The following NOM1 variants were observed in gnomAD, a reference collection of about 807,000 sequenced individuals.
The protein encoded by NOM1 is nucleolar protein with MIF4G domain 1, also known as nucleolar MIF4G domain-containing protein 1.
Under a neutral mutation model 73.3 loss-of-function variants are expected in NOM1, and 58 were observed. That is an observed-to-expected ratio of 0.79 (90% CI 0.64 to 0.99). The LOEUF (loss-of-function observed/expected upper bound fraction) is 0.99. Among genes scored for constraint, NOM1 ranks in the 50% least tolerant of loss-of-function variants. The pLI, the probability that NOM1 is intolerant of heterozygous loss-of-function variation, is 0.00. For missense variants in NOM1, 1,226 were observed against 1,131.9 expected (o/e 1.08, Z -1.19); for synonymous variants, 487 against 446.8 (o/e 1.09, Z -1.14).
At chr7:156,955,299 G>A (rs1226190698) in intron 3 of NOM1, among the ~76,000 whole-genome samples, 5 of 152,172 alleles carry the variant, frequency 3.3e-5, no homozygotes, top group African/African-American at 9.7e-5. Context: ...AACACTCCCA[G>A]TCAGTATCCC....
At position 156,969,007 on chromosome 7, in the gene NOM1, CTAAT is replaced by C; in HGVS notation, c.2299-76_2299-73del. 4 of 780,504 alleles carry C rather than the reference CTAAT, an allele frequency of 5.1e-6. 1 individual carries two copies. Among genetic ancestry groups the C allele is most frequent in the South Asian group, 4.4e-5 (3 of 67,798 alleles). 48.3% of individuals were successfully genotyped at this position (780,504 alleles called of 1,614,324 possible). ...GGAAGGGGGGAGATTAATTTTTACT[CTAAT>C]TAACTATATTACAAATCATTGAAAA... On this transcript the variant is annotated intron_variant, in intron 9 of 10. Transcript: ENST00000275820.
At chr7:156,957,704 G>A (rs1465735199) in intron 3 of NOM1, among the ~76,000 whole-genome samples, 1 of 143,830 alleles carries the variant, frequency 7.0e-6, no homozygotes, top group Non-Finnish European at 1.5e-5. Context: ...GAACCCAGCA[G>A]GCGGAGCTTG....
In NOM1 at chr7:156,950,161, A is replaced by G. The variant is rs1804544616; in HGVS notation, c.424A>G (p.Arg142Gly). 1.9e-6 allele frequency: 3 copies of G among 1,595,096 alleles called. No homozygotes were observed. The highest frequency in any genetic ancestry group is 2.6e-6 in the Non-Finnish European group (3 of 1,173,832). Residue 142 changes from arginine to glycine, a missense_variant, in exon 1 of 11, where the codon AGG (arginine) becomes GGG (glycine). By Grantham distance (125) the Arg-to-Gly change is moderately radical. Transcript: ENST00000275820. The stretch of plus-strand genomic sequence containing the variant: ...CCCTAGTCGGGACCCCTCGCCTCCC[A>G]GGAAGCCGCGGCCGTCCCGGGTCAA... ...PAPSRDPSPPRKPRPSRVKAK... is the reference protein window; with the variant it reads ...PAPSRDPSPPGKPRPSRVKAK...
Position 156,950,550 on chromosome 7 carries a change from G to T in NOM1, c.813G>T (p.Lys271Asn). ...AGGAGGGAGACGTAGAAAAGGAAAA[G>T]AAGGCGCAGGAAGCAGAAGCGCAGA... ...EEEEGDVEKEKKAQEAEAQSE... is the reference protein window; with the variant it reads ...EEEEGDVEKENKAQEAEAQSE... The change falls in exon 1 of 11, where the codon AAG becomes AAT. Residue 271 changes from lysine to asparagine, a missense_variant. By Grantham distance (94) the Lys-to-Asn change is moderately conservative. Transcript: ENST00000275820. 1 of 1,611,938 alleles carries T rather than the reference G, an allele frequency of 6.2e-7. No individual in the cohort carries two copies. The highest frequency in any genetic ancestry group is 8.5e-7 in the Non-Finnish European group (1 of 1,178,786).
intron 3 of NOM1, among the ~76,000 whole-genome samples, chr7:156,954,602 A>T (rs1804677289): frequency 7.2e-6 from 1 of 138,994 alleles, no homozygotes; most frequent in African/African-American, 2.7e-5. Context: ...ACAGCTGCAG[A>T]CTCGAGTGAT....
At chr7:156,960,243 C>T in intron 4 of NOM1, 69 bp downstream of exon 4, 1 of 1,262,434 alleles carries the variant, frequency 7.9e-7, no homozygotes, top group Non-Finnish European at 1.1e-6. Flanking sequence ...ACCTAAAAAT[C>T]AGTATCTGGG....
At position 156,969,587 on chromosome 7, in the gene NOM1, C is replaced by G. The variant is rs1258874832; in HGVS notation, c.2467C>G (p.His823Asp). Residue 823 changes from histidine (H) to aspartate (D), a missense_variant, in exon 11 of 11, where the codon CAC becomes GAC. By Grantham distance (81) the His-to-Asp change is moderately conservative. Transcript: ENST00000275820. ...LREGLKLFIS[H>D]FLLKNAQAHR... ...TGAGGGTTTGAAGCTTTTCATCAGC[C>G]ACTTCTTGCTAAAGAACGCACAGGC... is the stretch of plus-strand genomic sequence containing the variant. 1 of 1,614,036 alleles carries G rather than the reference C, an allele frequency of 6.2e-7. No individual in the cohort carries two copies. The highest frequency in any genetic ancestry group is 2.2e-5 in the East Asian group (1 of 44,868).
intron 3 of NOM1, chr7:156,958,755 C>T (rs1804789141): frequency 6.6e-6 from 1 of 152,316 alleles, no homozygotes; most frequent in African/African-American, 2.4e-5. Context: ...CTCCACCAGG[C>T]CCGGCAGTTC....
intron 3 of NOM1, among the ~76,000 whole-genome samples, 191 bp from the exon 4 acceptor site, chr7:156,959,660 A>G (rs1377035353): frequency 1.3e-5 from 2 of 152,210 alleles, no homozygotes; most frequent in African/African-American, 4.8e-5. Flanking sequence ...GTTGATTTTA[A>G]CAAGAGGAAG....
In NOM1 at chr7:156,970,314, A is replaced by G. The variant is rs1354633465; in HGVS notation, c.*611A>G. The G allele has an allele frequency of 6.6e-6, 1 of 151,886 alleles. No homozygotes were observed. Among genetic ancestry groups the G allele is most frequent in the Non-Finnish European group, 1.5e-5 (1 of 67,992 alleles). The allele number at this position is 151,886 out of a possible 1,614,324, so 9.4% of individuals were successfully genotyped here. A position where few individuals can be genotyped will look rare whatever the true frequency, so the allele number is the denominator to read the frequency against. On this transcript the variant is annotated 3_prime_UTR_variant, in exon 11 of 11. Transcript: ENST00000275820. Reference sequence around the variant, plus strand: ...TCAAAAAAAAAAAAAAAATTAATAGATAAAACAGGCCACTAGAGGGTGCAG... The same window carrying G: ...TCAAAAAAAAAAAAAAAATTAATAGGTAAAACAGGCCACTAGAGGGTGCAG...
chr7:156,950,497 G>C lies in NOM1; in HGVS notation c.760G>C (p.Asp254His), dbSNP rs773223957. 2.2e-5 allele frequency: 36 copies of C among 1,613,860 alleles called. No homozygotes were observed. The highest frequency in any genetic ancestry group is 1.6e-4 in the Middle Eastern group (1 of 6,084). ...QTLPESDLES[D>H]SQDESEEEEE... ...ACTCCCCGAAAGTGACTTAGAGAGT[G>C]ACTCCCAGGACGAAAGTGAGGAGGA... The change falls in exon 1 of 11, where the codon GAC becomes CAC. Residue 254 changes from aspartate (D) to histidine (H), a missense_variant. Physicochemically the swap from Asp to His is moderately conservative, Grantham distance 81. Transcript: ENST00000275820.
Position 156,949,870 on chromosome 7 carries a change from C to T in NOM1, c.133C>T (p.Leu45=), listed in dbSNP as rs1181669738. The T allele has an allele frequency of 2.6e-6, 4 of 1,520,988 alleles. No homozygotes were observed. Among genetic ancestry groups the T allele is most frequent in the South Asian group, 1.2e-5 (1 of 80,376 alleles). 94.2% of individuals were successfully genotyped at this position (1,520,988 alleles called of 1,614,324 possible). The change falls in exon 1 of 11, where the codon CTG becomes TTG. Residue 45 remains leucine, a synonymous_variant. Transcript: ENST00000275820. ...CGGTGGGGAGAAGGCCCTGAAGAGG[C>T]TGAAGCTAGCGGTGGAGGAGTTCGT... ...AGGGEKALKR[L]KLAVEEFVHA...
At chr7:156,950,840 A>G in intron 1 of NOM1, 116 bp downstream of exon 1, 1 of 864,550 alleles carries the variant, frequency 1.2e-6, no homozygotes, top group Non-Finnish European at 1.8e-6. Flanking sequence ...GTTTCAGCTG[A>G]ATGTGAGTAA....
In NOM1 at chr7:156,963,964, A is replaced by G; in HGVS notation, c.1971A>G (p.Arg657=). 1 of 1,614,166 alleles carries G rather than the reference A, an allele frequency of 6.2e-7. No individual in the cohort carries two copies. Among genetic ancestry groups the G allele is most frequent in the Non-Finnish European group, 8.5e-7 (1 of 1,179,986 alleles). The change falls in exon 7 of 11, where the codon AGA becomes AGG. Residue 657 remains arginine, a synonymous_variant. Coordinates refer to ENST00000275820, the MANE Select transcript of NOM1 (RefSeq NM_138400.2). ...RKQRMNTDIR[R]NIFCTIMTSE... is the part of the protein sequence containing the mutation. The stretch of plus-strand genomic sequence containing the variant: ...AGAGGATGAACACAGACATCCGGAG[A>G]AACATATTCTGCACAATAATGACAA...
chr7:156,954,522 C>CTTTTTTTTTTTTTTTTTTTTTTTTTTT lies in NOM1; in HGVS notation c.1308+244_1308+245insTTTTTTTTTTTTTTTTTTTTTTTTTTT, dbSNP rs34176770. On this transcript the variant is annotated intron_variant, in intron 3 of 10. Coordinates refer to ENST00000275820, the MANE Select transcript of NOM1 (RefSeq NM_138400.2). ...ACTTTGCTTTTTTGTTCTGTCCATT[C>CTTTTTTTTTTTTTTTTTTTTTTTTTTT]TTTTTTTTTTTTTTTTTTTTGAGAC... Among the ~76,000 whole-genome samples, 87 of 101,648 alleles carry CTTTTTTTTTTTTTTTTTTTTTTTTTTT rather than the reference C, an allele frequency of 8.6e-4. 8 individuals are homozygous for CTTTTTTTTTTTTTTTTTTTTTTTTTTT. The highest frequency in any genetic ancestry group is 2.5e-3 in the African/African-American group (63 of 25,330). The allele number at this position is 101,648 out of a possible 152,430, so 66.7% of individuals were successfully genotyped here.
At position 156,971,334 on chromosome 7, in the gene NOM1, C is replaced by T. The variant is rs1354545492; in HGVS notation, c.*1631C>T. The T allele has an allele frequency of 6.6e-6, 1 of 152,258 alleles. No homozygotes were observed. Among genetic ancestry groups the T allele is most frequent in the Non-Finnish European group, 1.5e-5 (1 of 68,070 alleles). 9.4% of individuals were successfully genotyped at this position (152,258 alleles called of 1,614,324 possible). On this transcript the variant is annotated 3_prime_UTR_variant, in exon 11 of 11. Coordinates refer to ENST00000275820, the MANE Select transcript of NOM1 (RefSeq NM_138400.2). ...CACGTTGGGCAGATGGGCACAGGTG[C>T]TGGTGATGCCTCTCCTGGGCAAAAC...
chr7:156,968,255 C>T (rs1412432388), intron 9 of NOM1, among the ~76,000 whole-genome samples: 2 of 152,188 alleles, frequency 1.3e-5, no homozygotes, highest in African/African-American at 2.4e-5. Context: ...TGGAACAGCA[C>T]AGATGCTACC....
In NOM1 at chr7:156,950,035, A is replaced by C. The variant is rs1298026848; in HGVS notation, c.298A>C (p.Arg100=). The change falls in exon 1 of 11, where the codon AGG becomes CGG. Residue 100 remains arginine, a synonymous_variant. Transcript: ENST00000275820. The stretch of plus-strand genomic sequence containing the variant: ...CCTGCGGAAAGCACGCCGGCTGCAG[A>C]GGACGGCGGGCCCCGAACAGGGTCC... ...RHLRKARRLQ[R]TAGPEQGPGL... 6.5e-7 allele frequency: 1 copy of C among 1,542,490 alleles called. No homozygotes were observed. The highest frequency in any genetic ancestry group is 1.4e-5 in the African/African-American group (1 of 73,160).
chr7:156,963,167 G>C lies in NOM1; in HGVS notation c.1903G>C (p.Val635Leu). The change falls in exon 6 of 11, where the codon GTG (valine) becomes CTG (leucine). Residue 635 changes from valine to leucine, a missense_variant. Coordinates refer to ENST00000275820, the MANE Select transcript of NOM1 (RefSeq NM_138400.2). ...SHHTHLQKQLVGTVSSKILEL... is the reference protein window; with the variant it reads ...SHHTHLQKQLLGTVSSKILEL... The stretch of plus-strand genomic sequence containing the variant: ...CCATACGCACCTGCAGAAGCAGCTT[G>C]TGGGGACGGTAGGGACACCCATGCT... 6.2e-7 allele frequency: 1 copy of C among 1,614,086 alleles called. No homozygotes were observed. Among genetic ancestry groups the C allele is most frequent in the East Asian group, 2.2e-5 (1 of 44,874 alleles).
Sources: allele counts gnomAD v4.1 joint callset (sites outside exome capture counted in the v4.1 genomes callset), GRCh38; gene constraint gnomAD v4.1.1; transcripts MANE v1.5; gene names NCBI Gene and HGNC (gene_info 2026-07-23, HGNC 2026-07-21).